GRK5: variants seen among roughly 807,000 people sequenced by gnomAD.
GRK5 encodes the protein G protein-coupled receptor kinase 5.
A neutral mutation model predicts 78.4 loss-of-function variants in GRK5; 40 were observed. The observed-to-expected ratio is 0.51, with a 90% CI of 0.40 to 0.66. The LOEUF is 0.66. GRK5 is among the 30% of genes least tolerant of loss of function. The pLI, the probability that GRK5 is intolerant of heterozygous loss-of-function variation, is 0.00. For synonymous variants in GRK5, 289 were observed against 296.8 expected, an observed-to-expected ratio of 0.97 and a Z score of 0.27; for missense variants, 598 against 759.9, an observed-to-expected ratio of 0.79 and a Z score of 2.50.
chr10:119,352,067 TG>T (rs1327019378), intron 2 of GRK5, among the ~76,000 whole-genome samples: 1 of 152,194 alleles, frequency 6.6e-6, no homozygotes, highest in Non-Finnish European at 1.5e-5. Context: ...AAGGGAAGTT[TG>T]GGTGGTAAGG....
At chr10:119,320,903 G>A (rs1850572957) in intron 1 of GRK5, among the ~76,000 whole-genome samples, 1 of 152,248 alleles carries the variant, frequency 6.6e-6, no homozygotes, top group Non-Finnish European at 1.5e-5. Flanking sequence ...GGTGGGCCTA[G>A]GGCAGCGGGG....
intron 1 of GRK5, among the ~76,000 whole-genome samples, chr10:119,248,923 T>C (rs570884603): frequency 1.7e-4 from 26 of 152,142 alleles, no homozygotes; most frequent in Non-Finnish European, 3.1e-4. Flanking sequence ...TGCCGACCTC[T>C]GACCTAGGGC....
chr10:119,349,581 G>A (rs1422504192), intron 2 of GRK5, among the ~76,000 whole-genome samples: 1 of 152,214 alleles, frequency 6.6e-6, no homozygotes, highest in Non-Finnish European at 1.5e-5. Flanking sequence ...GTGCACTCAG[G>A]GCCTGGGGCC....
intron 1 of GRK5, among the ~76,000 whole-genome samples, chr10:119,263,071 G>A (rs971546423): frequency 2.5e-4 from 38 of 152,034 alleles, no homozygotes; most frequent in African/African-American, 7.0e-4. Context: ...GCAGTGGCGC[G>A]ATCTCAGCTC....
chr10:119,376,072 C>CT (rs1318243551), intron 2 of GRK5, among the ~76,000 whole-genome samples: 2 of 152,212 alleles, frequency 1.3e-5, no homozygotes, highest in Non-Finnish European at 2.9e-5. Context: ...GAGTCCAGCC[C>CT]TTTCCTGTGT....
intron 1 of GRK5, among the ~76,000 whole-genome samples, chr10:119,297,365 G>T (rs1472481701): frequency 6.6e-6 from 1 of 152,200 alleles, no homozygotes; most frequent in African/African-American, 2.4e-5. Flanking sequence ...CACCTCTGTT[G>T]TATGGGAGCC....
intron 4 of GRK5, among the ~76,000 whole-genome samples, chr10:119,407,425 C>G (rs927213935): frequency 6.6e-6 from 1 of 152,210 alleles, no homozygotes; most frequent in Admixed American, 6.5e-5. Flanking sequence ...GTTTCAATTC[C>G]TCTGAGGTGC....
At chr10:119,439,648 AG>A (rs1852991292) in intron 9 of GRK5, 82 bp from the exon 10 acceptor site, 1 of 1,347,314 alleles carries the variant, frequency 7.4e-7, no homozygotes, top group African/African-American at 1.4e-5. Flanking sequence ...AGGCCTGATT[AG>A]CCCGAGGGGT....
intron 15 of GRK5, 112 bp downstream of exon 15, chr10:119,453,388 G>C (rs757312732): frequency 6.2e-6 from 8 of 1,280,908 alleles, no homozygotes; most frequent in Admixed American, 6.0e-5. Flanking sequence ...TGGAAGTCTG[G>C]GGCAGTAGCA....
At chr10:119,252,973 T>C (rs1190989071) in intron 1 of GRK5, among the ~76,000 whole-genome samples, 1 of 151,980 alleles carries the variant, frequency 6.6e-6, no homozygotes, top group African/African-American at 2.4e-5. Context: ...TTAGGGAAAA[T>C]GATGGACCCT....
chr10:119,218,693 G>C (rs977487754), intron 1 of GRK5, among the ~76,000 whole-genome samples: 2 of 152,188 alleles, frequency 1.3e-5, no homozygotes, highest in Admixed American at 1.3e-4. Flanking sequence ...AATAGCAAAG[G>C]ATACCTGAGC....
chr10:119,401,779 G>C (rs756595321), intron 4 of GRK5, among the ~76,000 whole-genome samples: 1 of 152,166 alleles, frequency 6.6e-6, no homozygotes, highest in Non-Finnish European at 1.5e-5. Flanking sequence ...TGTGGAGTGC[G>C]AGAGGCCAAG....
intron 8 of GRK5, among the ~76,000 whole-genome samples, chr10:119,433,648 T>C (rs1001202787): frequency 5.9e-5 from 9 of 152,214 alleles, no homozygotes. Flanking sequence ...CTGATGTTGA[T>C]GCACCAGTTT....
chr10:119,214,753 TCAAG>T (rs1260696663), intron 1 of GRK5, among the ~76,000 whole-genome samples: 1 of 152,208 alleles, frequency 6.6e-6, no homozygotes, highest in Non-Finnish European at 1.5e-5. Context: ...ACTCCTGGGC[TCAAG>T]CAATCCATCC....
chr10:119,413,009 A>T (rs1213861477), intron 4 of GRK5, among the ~76,000 whole-genome samples: 3 of 152,162 alleles, frequency 2.0e-5, no homozygotes, highest in African/African-American at 7.2e-5. Flanking sequence ...GATTTTACAG[A>T]TGGTGAATTC....
intron 2 of GRK5, among the ~76,000 whole-genome samples, chr10:119,363,167 G>C (rs1205847803): frequency 6.6e-6 from 1 of 151,866 alleles, no homozygotes; most frequent in African/African-American, 2.4e-5. Context: ...TGTAATCCCA[G>C]CTACTCGGGA....
chr10:119,398,205 T>C (rs1454032051), intron 4 of GRK5, among the ~76,000 whole-genome samples: 1 of 152,108 alleles, frequency 6.6e-6, no homozygotes, highest in Non-Finnish European at 1.5e-5. Context: ...TCGCAGCCGA[T>C]GTCATATTGG....
chr10:119,414,890 T>G (rs900951859), intron 4 of GRK5, among the ~76,000 whole-genome samples: 2 of 151,972 alleles, frequency 1.3e-5, no homozygotes, highest in Non-Finnish European at 1.5e-5. Context: ...GAGACCAGCC[T>G]GGCCAACATG....
chr10:119,236,887 C>T (rs1848942638), intron 1 of GRK5, among the ~76,000 whole-genome samples: 1 of 151,928 alleles, frequency 6.6e-6, no homozygotes, highest in Non-Finnish European at 1.5e-5. Flanking sequence ...CCACTTTGGC[C>T]TCCCAAAGTG....
Sources: allele counts gnomAD v4.1 joint callset (sites outside exome capture counted in the v4.1 genomes callset), GRCh38; gene constraint gnomAD v4.1.1; transcripts MANE v1.5; gene names NCBI Gene and HGNC (gene_info 2026-07-23, HGNC 2026-07-21).